Variants in CSMD1 observed in about 807,000 individuals in gnomAD.
CSMD1 encodes CUB and Sushi multiple domains 1.
Under a neutral mutation model 417.5 loss-of-function variants are expected in CSMD1, and 213 were observed. That is an observed-to-expected ratio of 0.51 (90% confidence interval 0.46 to 0.57). CSMD1 has a LOEUF of 0.57. CSMD1 is among the 20% of genes least tolerant of loss of function. CSMD1 has a pLI of 0.00. For missense variants in CSMD1, 6,923 were observed against 4,529.7 expected (o/e 1.53, Z -15.17); for synonymous variants, 2,862 against 1,736.8 (o/e 1.65, Z -16.11).
intron 5 of CSMD1, among the ~76,000 whole-genome samples, chr8:3,862,216 C>G (rs980762099): frequency 6.6e-6 from 1 of 152,214 alleles, no homozygotes; most frequent in Non-Finnish European, 1.5e-5. Context: ...AATTATGACA[C>G]ATAACTGCCT....
intron 7 of CSMD1, among the ~76,000 whole-genome samples, chr8:3,631,077 G>C (rs972922114): frequency 2.0e-5 from 3 of 152,154 alleles, no homozygotes; most frequent in Non-Finnish European, 4.4e-5. Flanking sequence ...ATACTCTTCA[G>C]CCAGGTCTTC....
intron 23 of CSMD1, among the ~76,000 whole-genome samples, chr8:3,322,250 C>T (rs935882875): frequency 1.3e-5 from 2 of 152,200 alleles, no homozygotes; most frequent in African/African-American, 4.8e-5. Flanking sequence ...CATTTTCCTT[C>T]ACCTCCTGAT....
chr8:4,188,841 A>AG (rs997870315), intron 3 of CSMD1, among the ~76,000 whole-genome samples: 6 of 152,052 alleles, frequency 3.9e-5, no homozygotes, highest in African/African-American at 1.4e-4. Flanking sequence ...ATATTAAAAA[A>AG]AAAAACGAAA....
At chr8:4,643,323 T>C (rs1175413623) in intron 1 of CSMD1, among the ~76,000 whole-genome samples, 2 of 152,226 alleles carry the variant, frequency 1.3e-5, no homozygotes, top group Non-Finnish European at 1.5e-5. Context: ...ATGGTTTTCA[T>C]GTCTATATAA....
intron 52 of CSMD1, among the ~76,000 whole-genome samples, chr8:3,004,224 G>C (rs1807677545): frequency 6.6e-6 from 1 of 152,132 alleles, no homozygotes; most frequent in South Asian, 2.1e-4. Context: ...GCTGTGATTT[G>C]TCTTGATTTT....
intron 1 of CSMD1, among the ~76,000 whole-genome samples, chr8:4,841,930 A>AAAAAAAACCAAAAC (rs1800865126): frequency 8.2e-6 from 1 of 122,426 alleles, no homozygotes; most frequent in Admixed American, 7.8e-5. Context: ...AAAAAAAAAA[A>AAAAAAAACCAAAAC]AAAAAAAAGT....
intron 7 of CSMD1, among the ~76,000 whole-genome samples, chr8:3,682,954 C>A (rs1799744087): frequency 6.6e-6 from 1 of 152,046 alleles, no homozygotes; most frequent in Non-Finnish European, 1.5e-5. Context: ...GGACCAAAAA[C>A]CAAACACTGC....
chr8:4,301,548 G>A (rs1797982135), intron 3 of CSMD1, among the ~76,000 whole-genome samples: 1 of 152,180 alleles, frequency 6.6e-6, no homozygotes, highest in South Asian at 2.1e-4. Context: ...CAATGTTTTG[G>A]AATTCACCAA....
intron 21 of CSMD1, among the ~76,000 whole-genome samples, chr8:3,356,310 G>T (rs1354536326): frequency 2.6e-5 from 4 of 152,188 alleles, no homozygotes; most frequent in Admixed American, 1.3e-4. Flanking sequence ...TCCTCTTTTG[G>T]ATACACAGAA....
At chr8:3,525,264 G>C (rs78554538) in intron 10 of CSMD1, among the ~76,000 whole-genome samples, 4 of 152,238 alleles carry the variant, frequency 2.6e-5, no homozygotes, top group East Asian at 3.9e-4. Context: ...GTCCTTAAAA[G>C]CACTCAGGAA....
intron 3 of CSMD1, among the ~76,000 whole-genome samples, chr8:4,062,780 G>A (rs1799045531): frequency 6.6e-6 from 1 of 151,562 alleles, no homozygotes. Context: ...AAATCTGATT[G>A]TTCAAACCCA....
intron 8 of CSMD1, among the ~76,000 whole-genome samples, chr8:3,602,077 G>A (rs976458458): frequency 6.6e-6 from 1 of 152,140 alleles, no homozygotes; most frequent in Admixed American, 6.5e-5. Flanking sequence ...TGGTGGTCAT[G>A]GTTATACAAC....
chr8:3,889,312 G>A (rs568958024), intron 5 of CSMD1, among the ~76,000 whole-genome samples: 47 of 151,252 alleles, frequency 3.1e-4, no homozygotes, highest in African/African-American at 1.0e-3. Context: ...AAAAGGAAAA[G>A]AAGAAGAGAC....
chr8:4,418,947 C>A (rs1354893755), intron 3 of CSMD1, among the ~76,000 whole-genome samples: 2 of 152,148 alleles, frequency 1.3e-5, no homozygotes, highest in African/African-American at 4.8e-5. Flanking sequence ...TAAGTCGGTC[C>A]ATTCCTATGT....
intron 3 of CSMD1, among the ~76,000 whole-genome samples, chr8:4,178,221 G>C (rs1434071550): frequency 2.6e-5 from 4 of 152,158 alleles, no homozygotes; most frequent in Admixed American, 2.0e-4. Flanking sequence ...ACATCAAAAA[G>C]CTAATCCACT....
intron 1 of CSMD1, among the ~76,000 whole-genome samples, chr8:4,868,888 A>G (rs1802572629): frequency 6.6e-6 from 1 of 152,020 alleles, no homozygotes; most frequent in Admixed American, 6.6e-5. Context: ...GAATGAAGTA[A>G]TATTTGCACG....
intron 38 of CSMD1, among the ~76,000 whole-genome samples, chr8:3,160,588 T>C (rs564624121): frequency 2.6e-5 from 4 of 152,316 alleles, no homozygotes; most frequent in South Asian, 4.1e-4. Context: ...CTGCCTCCAA[T>C]CTTTTTGCAG....
At chr8:4,793,589 G>A (rs1053162927) in intron 1 of CSMD1, among the ~76,000 whole-genome samples, 6 of 151,820 alleles carry the variant, frequency 4.0e-5, no homozygotes, top group East Asian at 1.9e-4. Context: ...TTTTTAGTTT[G>A]AGGCATTGCT....
intron 5 of CSMD1, among the ~76,000 whole-genome samples, chr8:3,870,912 T>C (rs1359608408): frequency 6.6e-6 from 1 of 152,110 alleles, no homozygotes; most frequent in Non-Finnish European, 1.5e-5. Context: ...TCTTCTTTTA[T>C]TGCATGTACA....
Sources: gnomAD v4.1 joint callset for allele counts (sites outside exome capture counted in the v4.1 genomes callset) on GRCh38, gnomAD v4.1.1 for gene constraint, MANE v1.5 for transcripts, NCBI Gene and HGNC (gene_info 2026-07-23, HGNC 2026-07-21) for gene names.